HACD2: variants seen among roughly 807,000 people sequenced by gnomAD.
HACD2 encodes very-long-chain (3R)-3-hydroxyacyl-CoA dehydratase 2.
A neutral mutation model predicts 31.0 loss-of-function variants in HACD2; 15 were observed. The observed-to-expected ratio is 0.48, with a 90% CI of 0.32 to 0.75. HACD2 has a LOEUF of 0.75. Ranked by LOEUF, HACD2 falls within the 30% of genes least tolerant of loss-of-function variation. The pLI, the probability that HACD2 is intolerant of heterozygous loss-of-function variation, is 0.03. For missense variants in HACD2, 283 were observed against 313.0 expected (o/e 0.90, Z 0.72); for synonymous variants, 115 against 122.2 (o/e 0.94, Z 0.39).
At chr3:123,511,252 G>T (rs533658613) in intron 4 of HACD2, among the ~76,000 whole-genome samples, 8 of 152,152 alleles carry the variant, frequency 5.3e-5, no homozygotes, top group South Asian at 2.1e-4. Context: ...CCATTTTACA[G>T]ACAAGTAAAG....
chr3:123,492,100 T>C lies in HACD2; in HGVS notation c.*2788A>G, dbSNP rs1254918538. On this transcript the variant is annotated 3_prime_UTR_variant, in exon 7 of 7. Transcript: ENST00000383657. ...GACAGTGCTTTATTCCATGACTAACTCTCCATGGTGCCTCTGGATAATGGT... is the reference window on the plus strand; with the variant it reads ...GACAGTGCTTTATTCCATGACTAACCCTCCATGGTGCCTCTGGATAATGGT... 6.6e-6 allele frequency: 1 copy of C among 152,168 alleles called. No homozygotes were observed. Among genetic ancestry groups the C allele is most frequent in the East Asian group, 1.9e-4 (1 of 5,186 alleles). The allele number at this position is 152,168 out of a possible 1,614,324, so 9.4% of individuals were successfully genotyped here.
chr3:123,567,546 T>C (rs113357485), intron 3 of HACD2, among the ~76,000 whole-genome samples: 27 of 152,290 alleles, frequency 1.8e-4, no homozygotes, highest in Middle Eastern at 3.4e-3. Context: ...CAGAACAAAA[T>C]AGCTGTGAAC....
At chr3:123,503,929 G>C (rs1341484462) in intron 4 of HACD2, among the ~76,000 whole-genome samples, 2 of 152,054 alleles carry the variant, frequency 1.3e-5, no homozygotes, top group African/African-American at 4.8e-5. Flanking sequence ...TACATGGAGC[G>C]GTCCACCTAC....
intron 3 of HACD2, among the ~76,000 whole-genome samples, chr3:123,530,588 T>G (rs1175850245): frequency 6.6e-6 from 1 of 152,082 alleles, no homozygotes. Flanking sequence ...TTTATATTTT[T>G]AGTAGAGATG....
intron 4 of HACD2, among the ~76,000 whole-genome samples, chr3:123,521,146 C>T (rs2056209572): frequency 1.3e-5 from 2 of 152,116 alleles, no homozygotes; most frequent in Admixed American, 6.5e-5. Context: ...TTCCAACAAG[C>T]TTGTCAAAAA....
intron 6 of HACD2, chr3:123,499,429 A>G: frequency 3.2e-6 from 1 of 317,050 alleles, no homozygotes; most frequent in Admixed American, 3.9e-5. Context: ...AGGACTCAAC[A>G]TGAATAAAGA....
At chr3:123,534,411 T>C (rs2056401210) in intron 3 of HACD2, among the ~76,000 whole-genome samples, 1 of 152,044 alleles carries the variant, frequency 6.6e-6, no homozygotes, top group Non-Finnish European at 1.5e-5. Flanking sequence ...ATGTTTCTGA[T>C]GGTGCTGGTA....
At chr3:123,499,521 T>A (rs2055876971) in intron 6 of HACD2, 2 of 415,136 alleles carry the variant, frequency 4.8e-6, no homozygotes, top group South Asian at 1.7e-5. Flanking sequence ...ATGTAGTTTT[T>A]TTCTCACAAT....
chr3:123,500,162 A>G (rs1209417187), intron 6 of HACD2, among the ~76,000 whole-genome samples: 1 of 152,226 alleles, frequency 6.6e-6, no homozygotes, highest in Non-Finnish European at 1.5e-5. Flanking sequence ...ATACTGTAAC[A>G]AGCAGTTCTT....
chr3:123,543,045 A>T (rs2056512902), intron 3 of HACD2, among the ~76,000 whole-genome samples: 1 of 152,198 alleles, frequency 6.6e-6, no homozygotes, highest in Non-Finnish European at 1.5e-5. Context: ...TGCCTGCCTG[A>T]GTTGGGAATA....
intron 4 of HACD2, among the ~76,000 whole-genome samples, chr3:123,519,947 C>T (rs2056192299): frequency 6.6e-6 from 1 of 152,198 alleles, no homozygotes; most frequent in South Asian, 2.1e-4. Context: ...AATCTTCAAA[C>T]TCAGTGGGAT....
At chr3:123,512,431 C>G (rs1185905450) in intron 4 of HACD2, among the ~76,000 whole-genome samples, 6 of 152,276 alleles carry the variant, frequency 3.9e-5, no homozygotes, top group African/African-American at 1.2e-4. Context: ...TCGCCTCTTT[C>G]CCTTCCCCAC....
chr3:123,527,230 T>C lies in HACD2; in HGVS notation c.381+1156A>G, dbSNP rs540869842. 2.0e-5 allele frequency among the ~76,000 whole-genome samples: 3 copies of C among 152,346 alleles called. No homozygotes were observed. The East Asian group carries it at 5.8e-4, about 29-fold the overall frequency. On this transcript the variant is annotated intron_variant, in intron 4 of 6. Coordinates refer to ENST00000383657, the MANE Select transcript of HACD2 (RefSeq NM_198402.5). ...AGGAAATGGTATCTACACAAAAGTA[T>C]GAGAGGAAGAAATATCGCAGTCCTT...
intron 3 of HACD2, among the ~76,000 whole-genome samples, chr3:123,545,976 G>A (rs2056555059): frequency 6.6e-6 from 1 of 151,970 alleles, no homozygotes; most frequent in South Asian, 2.1e-4. Flanking sequence ...CTCCCAAAGT[G>A]CTGGGATTAC....
At chr3:123,534,404 T>C (rs1422705843) in intron 3 of HACD2, among the ~76,000 whole-genome samples, 4 of 151,964 alleles carry the variant, frequency 2.6e-5, no homozygotes, top group Non-Finnish European at 2.9e-5. Flanking sequence ...TACTCATATG[T>C]TTCTGATGGT....
At chr3:123,530,778 C>G (rs2056350716) in intron 3 of HACD2, among the ~76,000 whole-genome samples, 1 of 151,952 alleles carries the variant, frequency 6.6e-6, no homozygotes, top group African/African-American at 2.4e-5. Flanking sequence ...TTTCGAACTC[C>G]TAAGCTCACA....
chr3:123,554,237 C>T (rs2056649805), intron 3 of HACD2, among the ~76,000 whole-genome samples: 1 of 51,196 alleles, frequency 2.0e-5, no homozygotes. Flanking sequence ...CACTGTTATA[C>T]TGGCAATAGG....
At chr3:123,545,812 A>G (rs541162625) in intron 3 of HACD2, among the ~76,000 whole-genome samples, 1 of 151,816 alleles carries the variant, frequency 6.6e-6, no homozygotes, top group South Asian at 2.1e-4. Context: ...CCTGAGTTCA[A>G]GTGATTCTCC....
chr3:123,541,807 T>A (rs2056493702), intron 3 of HACD2, among the ~76,000 whole-genome samples: 1 of 152,170 alleles, frequency 6.6e-6, no homozygotes, highest in East Asian at 1.9e-4. Context: ...ATCAAATATT[T>A]GCAACCAATG....
Sources: gnomAD v4.1 joint callset for allele counts (sites outside exome capture counted in the v4.1 genomes callset) on GRCh38, gnomAD v4.1.1 for gene constraint, MANE v1.5 for transcripts, NCBI Gene and HGNC (gene_info 2026-07-23, HGNC 2026-07-21) for gene names.